Variants in PACRG observed in about 807,000 individuals in gnomAD.
PACRG encodes the protein parkin coregulated.
A neutral mutation model predicts 29.7 loss-of-function variants in PACRG; 29 were observed. The ratio of observed to expected loss-of-function variants is 0.98; its 90% CI spans 0.73 to 1.33. The LOEUF is 1.33. PACRG is among the 40% of genes most tolerant of loss of function. PACRG has a pLI of 0.00. For synonymous variants in PACRG, 116 were observed against 118.7 expected (o/e 0.98, Z 0.15); for missense variants, 279 against 316.2 (o/e 0.88, Z 0.89).
At chr6:163,161,392 T>C (rs1327025873) in intron 4 of PACRG, among the ~76,000 whole-genome samples, 1 of 152,184 alleles carries the variant, frequency 6.6e-6, no homozygotes, top group African/African-American at 2.4e-5. Context: ...TGGTTTACTG[T>C]GTAATGTGAT....
At chr6:162,773,376 G>A (rs1783371394) in intron 1 of PACRG, among the ~76,000 whole-genome samples, 1 of 150,880 alleles carries the variant, frequency 6.6e-6, no homozygotes. Context: ...TACAAAATAA[G>A]TAGCACGAAT....
chr6:162,834,666 T>C (rs780429619), intron 2 of PACRG, among the ~76,000 whole-genome samples: 2 of 151,788 alleles, frequency 1.3e-5, no homozygotes, highest in Non-Finnish European at 2.9e-5. Context: ...CCTCTCTCTA[T>C]AGCATTTTGC....
At chr6:162,976,628 C>A (rs1338444443) in intron 2 of PACRG, among the ~76,000 whole-genome samples, 1 of 152,070 alleles carries the variant, frequency 6.6e-6, no homozygotes, top group East Asian at 1.9e-4. Context: ...CAAGTCATAG[C>A]CACTGAAATT....
chr6:163,031,971 C>T (rs963964357), intron 2 of PACRG, among the ~76,000 whole-genome samples: 1 of 152,134 alleles, frequency 6.6e-6, no homozygotes, highest in Non-Finnish European at 1.5e-5. Context: ...CAGTCAAAGC[C>T]CTGGTAAAAT....
At chr6:163,059,284 T>C (rs1810896084) in intron 2 of PACRG, among the ~76,000 whole-genome samples, 1 of 152,174 alleles carries the variant, frequency 6.6e-6, no homozygotes, top group Non-Finnish European at 1.5e-5. Flanking sequence ...CTCATAACTT[T>C]TGTTTTTCAA....
chr6:163,177,240 A>T (rs182600378), intron 4 of PACRG, among the ~76,000 whole-genome samples: 2 of 152,346 alleles, frequency 1.3e-5, no homozygotes, highest in Admixed American at 1.3e-4. Context: ...GAGTGTCCAC[A>T]TGAAACCAGT....
intron 3 of PACRG, among the ~76,000 whole-genome samples, chr6:163,070,750 C>T (rs1307258822): frequency 6.6e-6 from 1 of 150,944 alleles, no homozygotes; most frequent in Non-Finnish European, 1.5e-5. Context: ...AATCAAAAGG[C>T]ACAGAGTAGC....
intron 2 of PACRG, among the ~76,000 whole-genome samples, chr6:162,953,937 A>C (rs1799837888): frequency 6.6e-6 from 1 of 152,228 alleles, no homozygotes; most frequent in African/African-American, 2.4e-5. Context: ...ATTAACTATC[A>C]AGATGGAATA....
At chr6:163,096,471 T>C (rs1315902662) in intron 4 of PACRG, among the ~76,000 whole-genome samples, 1 of 152,230 alleles carries the variant, frequency 6.6e-6, no homozygotes, top group African/African-American at 2.4e-5. Flanking sequence ...GGACAAAGCA[T>C]GCAGCTGCCG....
At chr6:162,881,545 G>A (rs1365447797) in intron 2 of PACRG, among the ~76,000 whole-genome samples, 1 of 152,156 alleles carries the variant, frequency 6.6e-6, no homozygotes, top group African/African-American at 2.4e-5. Flanking sequence ...TCACATGGCT[G>A]AAGAAACACA....
chr6:163,071,589 A>G (rs1729531759), intron 3 of PACRG, among the ~76,000 whole-genome samples: 2 of 152,000 alleles, frequency 1.3e-5, no homozygotes, highest in African/African-American at 4.8e-5. Context: ...CAAAAAAGAA[A>G]AACTTGAAAT....
chr6:162,912,784 A>G (rs898860355), intron 2 of PACRG, among the ~76,000 whole-genome samples: 1 of 151,696 alleles, frequency 6.6e-6, no homozygotes, highest in East Asian at 1.9e-4. Flanking sequence ...GTTGGCCGGG[A>G]TGCTCTTGAT....
chr6:163,061,487 G>C (rs1811091533), intron 2 of PACRG, among the ~76,000 whole-genome samples: 1 of 152,160 alleles, frequency 6.6e-6, no homozygotes, highest in Admixed American at 6.5e-5. Context: ...AAAGAGATTT[G>C]TCTCCGCTCC....
chr6:163,000,723 A>AC (rs1163104228), intron 2 of PACRG, among the ~76,000 whole-genome samples: 2 of 152,208 alleles, frequency 1.3e-5, no homozygotes, highest in Non-Finnish European at 2.9e-5. Flanking sequence ...ATATCACAGT[A>AC]CACAGCATTT....
At chr6:162,954,757 A>T (rs909142174) in intron 2 of PACRG, among the ~76,000 whole-genome samples, 1 of 152,206 alleles carries the variant, frequency 6.6e-6, no homozygotes, top group African/African-American at 2.4e-5. Context: ...GGGAAACAAA[A>T]AGAGTAAGCA....
At chr6:162,789,768 TG>T (rs1162134358) in intron 1 of PACRG, among the ~76,000 whole-genome samples, 1 of 152,206 alleles carries the variant, frequency 6.6e-6, no homozygotes, top group Non-Finnish European at 1.5e-5. Context: ...TGGATTTACA[TG>T]ATTGCCCTCT....
chr6:162,917,099 A>G (rs2128087765), intron 2 of PACRG, among the ~76,000 whole-genome samples: 1 of 152,294 alleles, frequency 6.6e-6, no homozygotes, highest in South Asian at 2.1e-4. Context: ...CGAGTCTCAC[A>G]TATGCCTGAG....
chr6:162,847,581 T>C (rs912930612), intron 2 of PACRG, among the ~76,000 whole-genome samples: 2 of 151,272 alleles, frequency 1.3e-5, no homozygotes, highest in African/African-American at 4.9e-5. Context: ...GAGATACAGG[T>C]ATGGGAACAG....
At chr6:163,230,737 A>T (rs908336387) in intron 4 of PACRG, among the ~76,000 whole-genome samples, 1 of 152,246 alleles carries the variant, frequency 6.6e-6, no homozygotes, top group Non-Finnish European at 1.5e-5. Flanking sequence ...ACAAATGAAG[A>T]ACGCAGGATG....
Sources: gnomAD v4.1 joint callset for allele counts (sites outside exome capture counted in the v4.1 genomes callset) on GRCh38, gnomAD v4.1.1 for gene constraint, MANE v1.5 for transcripts, NCBI Gene and HGNC (gene_info 2026-07-23, HGNC 2026-07-21) for gene names.